SYCE1: variants seen among roughly 807,000 people sequenced by gnomAD.
SYCE1 encodes the protein synaptonemal complex central element protein 1.
In SYCE1, 37 loss-of-function variants were observed where a neutral mutation model predicts 55.1. The observed-to-expected ratio is 0.67, with a 90% CI of 0.52 to 0.88. The LOEUF (loss-of-function observed/expected upper bound fraction) is 0.88. SYCE1 is among the 40% of genes least tolerant of loss of function. SYCE1 has a pLI of 0.00. For missense variants in SYCE1, 399 were observed against 416.4 expected (o/e 0.96, Z 0.36); for synonymous variants, 163 against 159.4 (o/e 1.02, Z -0.17).
downstream of SYCE1, chr10:133,554,401 A>C: frequency 7.2e-7 from 1 of 1,396,586 alleles, no homozygotes; most frequent in Non-Finnish European, 1.0e-6. Context: ...TTTGACTCCC[A>C]CCATTGGTCT....
chr10:133,558,291 T>A lies in SYCE1; in HGVS notation c.272-77A>T. 4 of 1,527,748 alleles carry A rather than the reference T, an allele frequency of 2.6e-6. No homozygotes were observed. In the South Asian group the frequency reaches 4.5e-5, roughly 17 times the overall value. 94.6% of individuals were successfully genotyped at this position (1,527,748 alleles called of 1,614,324 possible). ...GGGATGGGGCTTGCTCACGGTCACA[T>A]GGGAAGCTGGGCACAGCCTTGGCCC... On this transcript the variant is annotated intron_variant, in intron 4 of 12. Coordinates refer to ENST00000343131, the MANE Select transcript of SYCE1 (RefSeq NM_001143764.3).
intron 6 of SYCE1, 77 bp downstream of exon 6, chr10:133,557,787 G>T: frequency 6.5e-7 from 1 of 1,527,144 alleles, no homozygotes; most frequent in South Asian, 1.1e-5. Context: ...GTGGGTCTCA[G>T]ATTCATCTTC....
intron 3 of SYCE1, 127 bp from the exon 4 acceptor site, chr10:133,559,078 TC>T: frequency 9.3e-7 from 1 of 1,076,222 alleles, no homozygotes; most frequent in Non-Finnish European, 1.3e-6. Flanking sequence ...AAACGAGGCT[TC>T]CAGCTCTCCT....
intron 2 of SYCE1, 195 bp downstream of exon 2, chr10:133,559,896 T>C (rs1163608941): frequency 1.0e-5 from 6 of 581,670 alleles, no homozygotes; most frequent in Non-Finnish European, 1.5e-5. Context: ...GAAAACATTT[T>C]GCCTTCTATA....
intron 8 of SYCE1, 117 bp downstream of exon 8, chr10:133,556,642 C>A: frequency 9.5e-7 from 1 of 1,053,304 alleles, no homozygotes; most frequent in Non-Finnish European, 1.4e-6. Context: ...TCGATCTTAG[C>A]ACCACCAGGG....
intron 6 of SYCE1, 116 bp from the exon 7 acceptor site, chr10:133,557,272 C>T: frequency 1.2e-6 from 1 of 805,536 alleles, no homozygotes; most frequent in Admixed American, 1.9e-5. Context: ...TAAGGTCCTT[C>T]TCTGTAACAT....
chr10:133,566,792 G>A (rs895780634), upstream of SYCE1, among the ~76,000 whole-genome samples: 3 of 147,790 alleles, frequency 2.0e-5, no homozygotes, highest in Non-Finnish European at 4.4e-5. Context: ...TAGAGTTAAG[G>A]GTTAGGGTTA....
chr10:133,566,898 A>C (rs1335796108), upstream of SYCE1, among the ~76,000 whole-genome samples: 2 of 33,808 alleles, frequency 5.9e-5, no homozygotes, highest in African/African-American at 8.4e-5. Context: ...AGTTGGGTTA[A>C]GGGTTGCAGG....
intron 1 of SYCE1, 44 bp from the exon 2 acceptor site, chr10:133,560,197 AGGCCACCCCTG>A: frequency 6.3e-7 from 1 of 1,582,758 alleles, no homozygotes; most frequent in East Asian, 2.2e-5. Context: ...GCAGGGCGAG[AGGCCACCCCTG>A]GGCTGAGACT....
intron 4 of SYCE1, chr10:133,558,449 TGG>T: frequency 1.7e-6 from 1 of 580,360 alleles, no homozygotes; most frequent in Non-Finnish European, 3.1e-6. Flanking sequence ...TGCTTTTACA[TGG>T]GGAGGAGAGA....
At chr10:133,566,474 TAGG>T (rs1370218245), upstream of SYCE1, among the ~76,000 whole-genome samples, 1 of 141,300 alleles carries the variant, frequency 7.1e-6, no homozygotes, top group Non-Finnish European at 1.5e-5. Flanking sequence ...GTTTTGGGGT[TAGG>T]AGTGGGGTTA....
In SYCE1 at chr10:133,555,688, G is replaced by C; in HGVS notation, c.739C>G (p.His247Asp). 2 of 1,605,122 alleles carry C rather than the reference G, an allele frequency of 1.2e-6. No individual in the cohort carries two copies. The highest frequency in any genetic ancestry group is 1.7e-6 in the Non-Finnish European group (2 of 1,179,964). Residue 247 changes from histidine (H) to aspartate (D), a missense_variant, in exon 11 of 13, where the codon CAC (histidine) becomes GAC (aspartate). By Grantham distance (81) the His-to-Asp change is moderately conservative. Transcript: ENST00000343131. ...AATVQLFQEEHRKAEELLAAA... is the reference protein window; with the variant it reads ...AATVQLFQEEDRKAEELLAAA... ...GCTAGGAGCTCCTCAGCCTTCCTGTGCTCTTCCTGAAACAGCTGCCTGGGG... is the reference window on the plus strand; with the variant it reads ...GCTAGGAGCTCCTCAGCCTTCCTGTCCTCTTCCTGAAACAGCTGCCTGGGG...
upstream of SYCE1, among the ~76,000 whole-genome samples, chr10:133,566,091 T>A (rs1433468148): frequency 6.6e-6 from 1 of 152,190 alleles, no homozygotes; most frequent in Non-Finnish European, 1.5e-5. Flanking sequence ...TCCCGTGAGC[T>A]CCATGCCCAC....
chr10:133,561,828 T>C (rs184270355), intron 1 of SYCE1, among the ~76,000 whole-genome samples: 49 of 152,288 alleles, frequency 3.2e-4, no homozygotes, highest in Admixed American at 3.2e-3. Context: ...TGGCCAATTC[T>C]GACTTGATCA....
At chr10:133,556,281 G>T (rs1851681000) in intron 8 of SYCE1, 1 of 591,900 alleles carries the variant, frequency 1.7e-6, no homozygotes, top group African/African-American at 1.9e-5. Flanking sequence ...CTCATGGATT[G>T]TTATTTACAA....
chr10:133,567,957 CAG>C (rs1851986978), upstream of SYCE1: 1 of 573,014 alleles, frequency 1.7e-6, no homozygotes, highest in Admixed American at 2.2e-5. Flanking sequence ...GGCGGGTCCA[CAG>C]GGGCAGCCAG....
At chr10:133,561,276 A>T (rs1409128268) in intron 1 of SYCE1, 1 of 152,174 alleles carries the variant, frequency 6.6e-6, no homozygotes, top group African/African-American at 2.4e-5. Context: ...GATTCTGAGT[A>T]GAGGTGCCCC....
intron 11 of SYCE1, 54 bp from the exon 12 acceptor site, chr10:133,555,492 G>T (rs1851642720): frequency 6.2e-7 from 1 of 1,611,892 alleles, no homozygotes; most frequent in East Asian, 2.2e-5. Flanking sequence ...GGTGGAGGAG[G>T]GACAAGAGGT....
At chr10:133,556,934 T>C in intron 7 of SYCE1, 112 bp from the exon 8 acceptor site, 2 of 1,495,918 alleles carry the variant, frequency 1.3e-6, no homozygotes, top group Non-Finnish European at 9.3e-7. Flanking sequence ...CCATGGTCTC[T>C]GCTCCACTGG....
Sources: gnomAD v4.1 joint callset for allele counts (sites outside exome capture counted in the v4.1 genomes callset) on GRCh38, gnomAD v4.1.1 for gene constraint, MANE v1.5 for transcripts, NCBI Gene and HGNC (gene_info 2026-07-23, HGNC 2026-07-21) for gene names.